EGFR: variants seen among roughly 807,000 people sequenced by gnomAD.
EGFR encodes the protein epidermal growth factor receptor.
Under a neutral mutation model 143.0 loss-of-function variants are expected in EGFR, and 58 were observed. The ratio of observed to expected loss-of-function variants is 0.41; its 90% confidence interval spans 0.33 to 0.50. EGFR has a LOEUF of 0.50. EGFR is among the 20% of genes least tolerant of loss of function. The pLI is 0.39. For synonymous variants in EGFR, 613 were observed against 594.4 expected (o/e 1.03, Z -0.45); for missense variants, 1,307 against 1,579.0 (o/e 0.83, Z 2.92).
intron 1 of EGFR, among the ~76,000 whole-genome samples, chr7:55,096,964 C>G (rs929534847): frequency 1.3e-5 from 2 of 152,138 alleles, no homozygotes; most frequent in African/African-American, 4.8e-5. Context: ...CTTACCCCCC[C>G]AGCTCCTCAC....
rs544120686 is a variant in EGFR, at chr7:55,119,837, T to A, written c.89-22449T>A. 2.0e-5 allele frequency among the ~76,000 whole-genome samples: 3 copies of A among 152,262 alleles called. No homozygotes were observed. The East Asian group carries it at 5.8e-4, about 29-fold the overall frequency. On this transcript the variant is annotated intron_variant, in intron 1 of 27. Transcript: ENST00000275493. The stretch of plus-strand genomic sequence containing the variant: ...TGCAGCAGGTGACCACTGCCCCAAA[T>A]CTGTTTCACCTCCCCAGGGCCATGG...
At chr7:55,109,877 G>C in intron 1 of EGFR, 1 of 985,586 alleles carries the variant, frequency 1.0e-6, no homozygotes, top group African/African-American at 1.7e-5. Flanking sequence ...GGAGCTCTGG[G>C]CTGCTGGCTG....
At chr7:55,070,438 C>T (rs973707053) in intron 1 of EGFR, among the ~76,000 whole-genome samples, 6 of 152,170 alleles carry the variant, frequency 3.9e-5, no homozygotes, top group African/African-American at 1.2e-4. Context: ...GCCCCAACTA[C>T]GGTGGGAAAA....
chr7:55,205,204 A>T (rs145306310), intron 27 of EGFR, 52 bp from the exon 28 acceptor site: 2 of 1,608,044 alleles, frequency 1.2e-6, no homozygotes, highest in Non-Finnish European at 1.7e-6. Flanking sequence ...GGGATCCTGC[A>T]TGGGATGGTG....
In EGFR at chr7:55,156,675, A is replaced by C; in HGVS notation, c.1133+16A>C. On this transcript the variant is annotated intron_variant, in intron 9 of 27. Coordinates refer to ENST00000275493, the MANE Select transcript of EGFR (RefSeq NM_005228.5). ...CATTTAGGGGGTGAGTCACAGGTTC[A>C]GTTGCTTGTATAAAGAAAAACAAAA... The C allele has an allele frequency of 6.2e-7, 1 of 1,614,252 alleles. No individual in the cohort carries two copies. The highest frequency in any genetic ancestry group is 1.1e-5 in the South Asian group (1 of 91,086).
chr7:55,085,273 T>C (rs1290292455), intron 1 of EGFR, among the ~76,000 whole-genome samples: 4 of 152,250 alleles, frequency 2.6e-5, no homozygotes, highest in African/African-American at 9.6e-5. Context: ...AGAGTTGACA[T>C]TGGGTTGCCC....
At chr7:55,105,968 A>G (rs1468990792) in intron 1 of EGFR, among the ~76,000 whole-genome samples, 2 of 152,214 alleles carry the variant, frequency 1.3e-5, no homozygotes, top group African/African-American at 2.4e-5. Context: ...TAAGCATAAC[A>G]TGAGAAGGGC....
chr7:55,039,817 A>G (rs913820944), intron 1 of EGFR, among the ~76,000 whole-genome samples: 60 of 152,220 alleles, frequency 3.9e-4, no homozygotes, highest in Non-Finnish European at 2.1e-4. Context: ...CACACCAGGA[A>G]TCTCTTCTCA....
intron 1 of EGFR, among the ~76,000 whole-genome samples, chr7:55,138,639 T>C (rs537015791): frequency 6.6e-6 from 1 of 152,320 alleles, no homozygotes; most frequent in South Asian, 2.1e-4. Context: ...CAGATGCATG[T>C]TATGTTATGT....
chr7:55,145,488 T>G (rs1360870951), intron 3 of EGFR, among the ~76,000 whole-genome samples: 3 of 152,242 alleles, frequency 2.0e-5, no homozygotes, highest in African/African-American at 7.2e-5. Context: ...CTGGGTCTCC[T>G]GTCTGCAGGA....
intron 1 of EGFR, among the ~76,000 whole-genome samples, chr7:55,135,907 T>A (rs936344302): frequency 6.6e-6 from 1 of 152,234 alleles, no homozygotes; most frequent in Non-Finnish European, 1.5e-5. Flanking sequence ...TTTTACAGAT[T>A]TTTTTAAATT....
intron 20 of EGFR, among the ~76,000 whole-genome samples, chr7:55,187,417 T>C (rs1787189394): frequency 6.6e-6 from 1 of 152,182 alleles, no homozygotes; most frequent in Non-Finnish European, 1.5e-5. Context: ...CCAGGTGGCC[T>C]GGTTCCATGG....
rs1788103069 is a variant in EGFR at position 55,206,257 on chromosome 7, A to T, written c.*640A>T. 1 of 236,850 alleles carries T rather than the reference A, an allele frequency of 4.2e-6. No individual in the cohort carries two copies. The highest frequency in any genetic ancestry group is 1.7e-4 in the South Asian group (1 of 5,772). The allele number at this position is 236,850 out of a possible 1,614,324, so 14.7% of individuals were successfully genotyped here. On this transcript the variant is annotated 3_prime_UTR_variant, in exon 28 of 28. Transcript: ENST00000275493. ...GCAAAGAAGAAACGGAGGGGATGGA[A>T]TTCTTCCTTAGACTTACTTTTGTAA...
intron 1 of EGFR, among the ~76,000 whole-genome samples, chr7:55,027,989 AAAATATATATAT>A (rs1397854772): frequency 5.4e-5 from 4 of 74,038 alleles, no homozygotes; most frequent in Non-Finnish European, 1.0e-4. Context: ...AAAAAAAAAA[AAAATATATATAT>A]ATATATATAT....
chr7:55,036,760 A>T, intron 1 of EGFR, among the ~76,000 whole-genome samples: 1 of 152,142 alleles, frequency 6.6e-6, no homozygotes, highest in East Asian at 1.9e-4. Flanking sequence ...ATATAAAAAT[A>T]GGTTTTGAAA....
At chr7:55,168,712 T>C in intron 15 of EGFR, 2 of 834,856 alleles carry the variant, frequency 2.4e-6, no homozygotes, top group Non-Finnish European at 3.6e-6. Context: ...GATGAGTATA[T>C]AGTTTGATAT....
At chr7:55,114,521 A>G (rs1792713174) in intron 1 of EGFR, among the ~76,000 whole-genome samples, 1 of 152,210 alleles carries the variant, frequency 6.6e-6, no homozygotes, top group African/African-American at 2.4e-5. Context: ...ACATTTAAAA[A>G]TACATGATGT....
At chr7:55,072,879 T>A (rs185618504) in intron 1 of EGFR, among the ~76,000 whole-genome samples, 5 of 152,330 alleles carry the variant, frequency 3.3e-5, no homozygotes, top group Non-Finnish European at 7.4e-5. Flanking sequence ...ACAAAGGACT[T>A]TCATGATTTC....
chr7:55,127,541 G>A (rs1032207743), intron 1 of EGFR, among the ~76,000 whole-genome samples: 18 of 151,502 alleles, frequency 1.2e-4, no homozygotes, highest in African/African-American at 3.4e-4. Flanking sequence ...ACTTTCAAAG[G>A]AATGCTTGTA....
Sources: allele counts gnomAD v4.1 joint callset (sites outside exome capture counted in the v4.1 genomes callset), GRCh38; gene constraint gnomAD v4.1.1; transcripts MANE v1.5; gene names NCBI Gene and HGNC (gene_info 2026-07-23, HGNC 2026-07-21).